PPP6R1: variants seen among roughly 807,000 people sequenced by gnomAD.
The protein encoded by PPP6R1 is serine/threonine-protein phosphatase 6 regulatory subunit 1.
A neutral mutation model predicts 104.6 loss-of-function variants in PPP6R1; 39 were observed. The observed-to-expected ratio is 0.37, with a 90% CI of 0.29 to 0.49. PPP6R1 has a LOEUF of 0.49. Among genes scored for constraint, PPP6R1 ranks in the 20% least tolerant of loss-of-function variants. The probability of loss-of-function intolerance (pLI) is 0.98; values close to 1 mark genes in which losing one functional copy is unlikely to be tolerated. For synonymous variants in PPP6R1, 549 were observed against 479.0 expected, an observed-to-expected ratio of 1.15 and a Z score of -1.91; for missense variants, 1,181 against 1,155.8, an observed-to-expected ratio of 1.02 and a Z score of -0.32.
Position 55,242,420 on chromosome 19 carries a change from G to A in PPP6R1, c.687C>T (p.Val229=). ...IRLSREQMIQ[V]QDSPEPDQLL... ...GTTGGTCAGGCTCTGGGCTGTCCTG[G>A]ACTTGGATCATCTGCTCCCGGCTCA... Residue 229 remains valine, a synonymous_variant, in exon 6 of 24, where the codon GTC becomes GTT. Transcript: ENST00000412770. The A allele has an allele frequency of 6.2e-7, 1 of 1,614,008 alleles. No individual in the cohort carries two copies. Among genetic ancestry groups the A allele is most frequent in the Non-Finnish European group, 8.5e-7 (1 of 1,179,864 alleles).
chr19:55,241,550 G>A lies in PPP6R1; in HGVS notation c.935C>T (p.Ser312Phe). The change falls in exon 8 of 24, where the codon TCC becomes TTC. Residue 312 changes from serine (S) to phenylalanine (F), a missense_variant. By Grantham distance (155) the Ser-to-Phe change is radical. This residue lies in a region of PPP6R1 where 1,042 missense variants were observed against 955.6 expected (regional missense o/e 1.09). Coordinates refer to ENST00000412770, the MANE Select transcript of PPP6R1 (RefSeq NM_014931.4). This position sits in a 1 kb window ranked among gnomAD's most constrained non-coding sequence, Gnocchi z 5.4. ...TAGGGCGTGCAAGGCGCCCACACTG[G>A]ACACAGTGCTTTCCAGGGCCCCCTG... ...LAQGALESTV[S>F]SVGALHALRP... The A allele has an allele frequency of 6.3e-7, 1 of 1,580,300 alleles. No individual in the cohort carries two copies. The highest frequency in any genetic ancestry group is 1.2e-5 in the South Asian group (1 of 86,562).
chr19:55,256,773 A>C (rs1376576137), intron 1 of PPP6R1, among the ~76,000 whole-genome samples: 1 of 152,232 alleles, frequency 6.6e-6, no homozygotes, highest in Non-Finnish European at 1.5e-5. Flanking sequence ...AAATCACTTG[A>C]GTCCAGGAGT....
chr19:55,228,256 T>C (rs148089024), downstream of PPP6R1: 303 of 1,612,672 alleles, frequency 1.9e-4, 1 homozygote, highest in African/African-American at 1.8e-3. Context: ...AAGGGCTCCC[T>C]GGAGGAGCTG....
chr19:55,232,577 C>T lies in PPP6R1; in HGVS notation c.1989-366G>A, dbSNP rs568125500. ...CAGCCGTCACCTCACACGGTCACCA[C>T]AGTGACAGGCCTTCCCACCAGCAGG... On this transcript the variant is annotated intron_variant, in intron 17 of 23. Coordinates refer to ENST00000412770, the MANE Select transcript of PPP6R1 (RefSeq NM_014931.4). 9 of 223,570 alleles carry T rather than the reference C, an allele frequency of 4.0e-5. No individual in the cohort carries two copies. The South Asian group carries it at 6.6e-4, about 16-fold the overall frequency. 13.8% of individuals were successfully genotyped at this position (223,570 alleles called of 1,614,324 possible).
intron 1 of PPP6R1, among the ~76,000 whole-genome samples, chr19:55,250,552 T>C (rs1271897871): frequency 6.6e-6 from 1 of 152,154 alleles, no homozygotes; most frequent in Non-Finnish European, 1.5e-5. Flanking sequence ...TGAAGGGACC[T>C]GTCTGGATGG....
At chr19:55,257,445 C>A (rs1024202959) in intron 1 of PPP6R1, among the ~76,000 whole-genome samples, 1 of 152,202 alleles carries the variant, frequency 6.6e-6, no homozygotes, top group Non-Finnish European at 1.5e-5. Context: ...AAGACCCCAA[C>A]CAGAGGTCCC....
intron 1 of PPP6R1, among the ~76,000 whole-genome samples, chr19:55,255,131 C>G (rs551443840): frequency 2.0e-5 from 3 of 152,292 alleles, no homozygotes; most frequent in South Asian, 4.1e-4. Context: ...AGTGCCTCCC[C>G]CTCTGGCCCC....
chr19:55,241,085 G>T lies in PPP6R1; in HGVS notation c.1162-6C>A. ...ACATAATGGAAGAAGAGGTCCTATG[G>T]GAGGACACAGGATTGGTACCAGAGA... On this transcript the variant is annotated splice_region_variant and splice_polypyrimidine_tract_variant and intron_variant, in intron 9 of 23. Coordinates refer to ENST00000412770, the MANE Select transcript of PPP6R1 (RefSeq NM_014931.4). The surrounding 1 kb of genome is among the most constrained non-coding windows in gnomAD (Gnocchi z 5.4). 6.5e-7 allele frequency: 1 copy of T among 1,549,786 alleles called. No homozygotes were observed. Among genetic ancestry groups the T allele is most frequent in the Non-Finnish European group, 8.7e-7 (1 of 1,146,924 alleles).
rs1227523760 is a variant in PPP6R1 at position 55,240,315 on chromosome 19, G to A, written c.1297-15C>T. ...TGCTGCAGCAGCTGCGGGAGAGCGG[G>A]ACAGGATGGCCTGGAGGGGTGGTCT... On this transcript the variant is annotated splice_polypyrimidine_tract_variant and intron_variant, in intron 10 of 23. Transcript: ENST00000412770. 1 of 1,581,610 alleles carries A rather than the reference G, an allele frequency of 6.3e-7. No homozygotes were observed. Among genetic ancestry groups the A allele is most frequent in the Non-Finnish European group, 8.6e-7 (1 of 1,164,798 alleles).
chr19:55,241,054 T>C lies in PPP6R1; in HGVS notation c.1187A>G (p.Asn396Ser). Residue 396 changes from asparagine (N) to serine (S), a missense_variant, in exon 10 of 24, where the codon AAC (asparagine) becomes AGC (serine). Physicochemically the swap from Asn to Ser is conservative, Grantham distance 46. This residue lies in a region of PPP6R1 where 1,042 missense variants were observed against 955.6 expected (regional missense o/e 1.09). Coordinates refer to ENST00000412770, the MANE Select transcript of PPP6R1 (RefSeq NM_014931.4). This position sits in a 1 kb window ranked among gnomAD's most constrained non-coding sequence, Gnocchi z 5.4. ...CTCTACTTGGGCATGCAAGAAGTTG[T>C]TGAAGACATAATGGAAGAAGAGGTC... ...MLDLFFHYVF[N>S]NFLHAQVEGC... 6.4e-7 allele frequency: 1 copy of C among 1,555,788 alleles called. No homozygotes were observed. Among genetic ancestry groups the C allele is most frequent in the South Asian group, 1.2e-5 (1 of 84,270 alleles).
At chr19:55,240,398 AC>A in intron 10 of PPP6R1, 98 bp from the exon 11 acceptor site, 1 of 1,214,546 alleles carries the variant, frequency 8.2e-7, no homozygotes, top group Non-Finnish European at 1.2e-6. Flanking sequence ...CAGATGCTTC[AC>A]CAGGCCCCCG....
intron 15 of PPP6R1, chr19:55,238,677 G>A (rs2087421304): frequency 6.6e-6 from 1 of 152,110 alleles, no homozygotes. Context: ...GTATTTTTTA[G>A]TAGAGATGGG....
At chr19:55,228,323 G>A (rs372172769), downstream of PPP6R1, 4 of 1,613,792 alleles carry the variant, frequency 2.5e-6, no homozygotes, top group Non-Finnish European at 3.4e-6. Context: ...CAGAGGACGG[G>A]CAGGCACTTG....
chr19:55,239,650 C>T lies in PPP6R1; in HGVS notation c.1597G>A (p.Asp533Asn). 1.2e-6 allele frequency: 2 copies of T among 1,612,162 alleles called. No individual in the cohort carries two copies. The highest frequency in any genetic ancestry group is 1.1e-5 in the South Asian group (1 of 90,650). Residue 533 changes from aspartate (D) to asparagine (N), a missense_variant, in exon 14 of 24, where the codon GAT becomes AAT. By Grantham distance (23) the Asp-to-Asn change is conservative (BLOSUM62 1). Coordinates refer to ENST00000412770, the MANE Select transcript of PPP6R1 (RefSeq NM_014931.4). Reference protein sequence around the residue: ...NTHHLHSSSDDEDDRLKEFNF... With the variant: ...NTHHLHSSSDNEDDRLKEFNF... Reference sequence around the variant, plus strand: ...AACTCCTTGAGCCGGTCGTCCTCATCGTCACTGGAGGAGTGTAGGTGGTGG... The same window carrying T: ...AACTCCTTGAGCCGGTCGTCCTCATTGTCACTGGAGGAGTGTAGGTGGTGG...
rs1362435624 is a variant in PPP6R1, at chr19:55,241,397, G to C, written c.1009-6C>G. ...GTCATCTGTAGCGGCTCCAGCTGCAGACACAGGGAGGCCTGATTCCCAAGG... is the reference window on the plus strand; with the variant it reads ...GTCATCTGTAGCGGCTCCAGCTGCACACACAGGGAGGCCTGATTCCCAAGG... On this transcript the variant is annotated splice_polypyrimidine_tract_variant and splice_region_variant and intron_variant, in intron 8 of 23. Transcript: ENST00000412770. This position sits in a 1 kb window ranked among gnomAD's most constrained non-coding sequence, Gnocchi z 5.4. The C allele has an allele frequency of 6.2e-7, 1 of 1,605,542 alleles. No homozygotes were observed.
chr19:55,238,381 G>A (rs535233784), intron 15 of PPP6R1, among the ~76,000 whole-genome samples: 2 of 152,268 alleles, frequency 1.3e-5, no homozygotes, highest in Non-Finnish European at 2.9e-5. Context: ...ATCCCTCATC[G>A]TGGTGTCCCT....
chr19:55,233,952 C>A (rs997548611), intron 17 of PPP6R1, among the ~76,000 whole-genome samples: 2 of 152,130 alleles, frequency 1.3e-5, no homozygotes, highest in East Asian at 1.9e-4. Flanking sequence ...CTCCCATTTT[C>A]TTTTTTCTGT....
rs757577789 is a variant in PPP6R1 at position 55,245,013 on chromosome 19, C to T, written c.618+107G>A. 26 of 1,480,952 alleles carry T rather than the reference C, an allele frequency of 1.8e-5. No individual in the cohort carries two copies. Among genetic ancestry groups the T allele is most frequent in the Middle Eastern group, 2.1e-4 (1 of 4,862 alleles). The allele number at this position is 1,480,952 out of a possible 1,614,324, so 91.7% of individuals were successfully genotyped here. ...TCGCCCTCCCAAAGTGCTGGAATTA[C>T]AGGCGTGAGCCACTGCGTCCAGCCC... On this transcript the variant is annotated intron_variant, in intron 5 of 23. Transcript: ENST00000412770. This position sits in a 1 kb window ranked among gnomAD's most constrained non-coding sequence, Gnocchi z 6.4.
At chr19:55,230,588 A>G (rs2087331984) in intron 23 of PPP6R1, 25 bp downstream of exon 23, 1 of 1,612,870 alleles carries the variant, frequency 6.2e-7, no homozygotes, top group Non-Finnish European at 8.5e-7. Context: ...CCACCTACCC[A>G]GCCCGAGGCT....
Sources: gnomAD v4.1 joint callset for allele counts (sites outside exome capture counted in the v4.1 genomes callset) on GRCh38, gnomAD v4.1.1 for gene constraint, gnomAD v4.1.1 regional missense constraint, Gnocchi (gnomAD v3.1) non-coding constraint, MANE v1.5 for transcripts, NCBI Gene and HGNC (gene_info 2026-07-23, HGNC 2026-07-21) for gene names.